Variants in CHN2 observed in about 807,000 individuals in gnomAD.
CHN2 encodes the protein chimerin 2.
CHN2 carries 35 observed loss-of-function variants against 56.3 expected under a neutral mutation model. The ratio of observed to expected loss-of-function variants is 0.62; its 90% CI spans 0.47 to 0.82. The LOEUF is 0.82. Among genes scored for constraint, CHN2 ranks in the 40% least tolerant of loss-of-function variants. The pLI is 0.00. For missense variants in CHN2, 491 were observed against 580.5 expected, an observed-to-expected ratio of 0.85 and a Z score of 1.58; for synonymous variants, 210 against 212.8, an observed-to-expected ratio of 0.99 and a Z score of 0.12.
rs192126984 is a variant in CHN2 at position 29,368,367 on chromosome 7, C to T, written c.144+380C>T. On this transcript the variant is annotated intron_variant, in intron 3 of 12. Coordinates refer to ENST00000222792, the MANE Select transcript of CHN2 (RefSeq NM_004067.4). ...ATAATAAACTTCTGGGTACTTTCAA[C>T]GCCCATATTTAGTAAATCTTTATGC... Among the ~76,000 whole-genome samples the T allele has an allele frequency of 2.6e-3, 396 of 152,122 alleles. 1 individual carries two copies. Among genetic ancestry groups the T allele is most frequent in the African/African-American group, 4.3e-3 (179 of 41,522 alleles).
At chr7:29,250,654 T>C (rs1788420505) in intron 1 of CHN2, among the ~76,000 whole-genome samples, 1 of 152,170 alleles carries the variant, frequency 6.6e-6, no homozygotes, top group African/African-American at 2.4e-5. Context: ...TGTAATAATG[T>C]ACATGGAGCA....
intron 6 of CHN2, among the ~76,000 whole-genome samples, chr7:29,418,648 G>C (rs549984913): frequency 6.6e-6 from 1 of 152,318 alleles, no homozygotes; most frequent in Non-Finnish European, 1.5e-5. Context: ...CCACAGCCTA[G>C]CTGCTACTTC....
intron 3 of CHN2, among the ~76,000 whole-genome samples, chr7:29,392,818 C>T (rs923458614): frequency 6.6e-6 from 1 of 152,190 alleles, no homozygotes; most frequent in African/African-American, 2.4e-5. Flanking sequence ...CTGCCAAGCT[C>T]GTATCCTACA....
chr7:29,318,421 T>G (rs1054498193), intron 1 of CHN2, among the ~76,000 whole-genome samples: 1 of 152,192 alleles, frequency 6.6e-6, no homozygotes, highest in Non-Finnish European at 1.5e-5. Context: ...ACAGGAAGTT[T>G]GTCGACTCCT....
intron 1 of CHN2, among the ~76,000 whole-genome samples, chr7:29,344,818 C>G (rs1161451549): frequency 6.6e-6 from 1 of 152,160 alleles, no homozygotes; most frequent in Admixed American, 6.5e-5. Flanking sequence ...GTGGGAAGAG[C>G]CTGACTGCCC....
In CHN2 at chr7:29,442,672, C is replaced by T. The variant is rs77135092; in HGVS notation, c.577-37607C>T. ...CTGCCATTAAACTATTTCATTTTCC[C>T]ACATGCAAGAGTGTCATATGCATAT... On this transcript the variant is annotated intron_variant, in intron 6 of 12. Coordinates refer to ENST00000222792, the MANE Select transcript of CHN2 (RefSeq NM_004067.4). 6.3e-3 allele frequency among the ~76,000 whole-genome samples: 960 copies of T among 152,238 alleles called. 11 individuals are homozygous for T. The highest frequency in any genetic ancestry group is 0.022 in the African/African-American group (896 of 41,528).
chr7:29,447,548 C>G lies in CHN2; in HGVS notation c.577-32731C>G, dbSNP rs181049310. ...TGAAGAAATAATGGCCTCAAATTTT[C>G]TAAATTTGATGAAAGCTGTAAACCC... On this transcript the variant is annotated intron_variant, in intron 6 of 12. Coordinates refer to ENST00000222792, the MANE Select transcript of CHN2 (RefSeq NM_004067.4). Among the ~76,000 whole-genome samples, 5 of 152,174 alleles carry G rather than the reference C, an allele frequency of 3.3e-5. No homozygotes were observed. The South Asian group carries it at 6.2e-4, about 19-fold the overall frequency.
chr7:29,259,090 G>A (rs1377440407), intron 1 of CHN2, among the ~76,000 whole-genome samples: 1 of 151,896 alleles, frequency 6.6e-6, no homozygotes, highest in East Asian at 1.9e-4. Flanking sequence ...CACTTTGGGA[G>A]GCGGAGGCAT....
chr7:29,319,017 T>C (rs1032356996), intron 1 of CHN2, among the ~76,000 whole-genome samples: 4 of 152,190 alleles, frequency 2.6e-5, no homozygotes, highest in African/African-American at 9.7e-5. Context: ...CTCCACTCTT[T>C]GTCCAGTTGG....
chr7:29,291,549 A>G (rs190861338), intron 1 of CHN2, among the ~76,000 whole-genome samples: 2 of 152,242 alleles, frequency 1.3e-5, no homozygotes, highest in Admixed American at 1.3e-4. Context: ...TACCATGGAC[A>G]TATTTCATAT....
intron 1 of CHN2, among the ~76,000 whole-genome samples, chr7:29,205,825 A>C (rs1396260632): frequency 1.3e-5 from 2 of 152,324 alleles, no homozygotes; most frequent in East Asian, 3.9e-4. Context: ...ATGTAAAAAA[A>C]AATTATACAC....
At chr7:29,486,532 G>A (rs1035318552) in intron 7 of CHN2, among the ~76,000 whole-genome samples, 1 of 152,122 alleles carries the variant, frequency 6.6e-6, no homozygotes, top group South Asian at 2.1e-4. Context: ...CCATGGGAGC[G>A]GGCGGGTAAG....
At chr7:29,231,929 T>G (rs1786746089) in intron 1 of CHN2, among the ~76,000 whole-genome samples, 1 of 152,252 alleles carries the variant, frequency 6.6e-6, no homozygotes, top group South Asian at 2.1e-4. Flanking sequence ...TATTTATTTT[T>G]ATTTCTAATA....
chr7:29,172,738 G>A (rs1796764359), intron 2 of CHN2, among the ~76,000 whole-genome samples: 1 of 151,928 alleles, frequency 6.6e-6, no homozygotes, highest in South Asian at 2.1e-4. Flanking sequence ...ATGTTAATTG[G>A]GAAAGAAGTA....
chr7:29,500,176 C>T (rs1789809185), intron 9 of CHN2, 136 bp downstream of exon 9: 3 of 476,084 alleles, frequency 6.3e-6, no homozygotes, highest in African/African-American at 4.0e-5. Flanking sequence ...CACACACACA[C>T]TCTCTCTCTC....
chr7:29,439,756 A>T (rs1783495200), intron 6 of CHN2, among the ~76,000 whole-genome samples: 1 of 152,242 alleles, frequency 6.6e-6, no homozygotes, highest in Non-Finnish European at 1.5e-5. Context: ...GATTGAATAA[A>T]TGACCTAAGT....
intron 1 of CHN2, among the ~76,000 whole-genome samples, chr7:29,233,840 T>A (rs573804557): frequency 0.026 from 2,722 of 103,858 alleles, 189 homozygotes; most frequent in African/African-American, 0.095. Context: ...TTTTTTTTTT[T>A]TTTTTTTTTT....
At chr7:29,183,241 T>C (rs1798293527) in intron 2 of CHN2, among the ~76,000 whole-genome samples, 1 of 151,676 alleles carries the variant, frequency 6.6e-6, no homozygotes, top group African/African-American at 2.4e-5. Flanking sequence ...TATGCCAACA[T>C]GACTGGCTAA....
intron 3 of CHN2, among the ~76,000 whole-genome samples, chr7:29,382,690 C>A (rs1038358762): frequency 6.6e-6 from 1 of 152,144 alleles, no homozygotes. Context: ...CCAGTAAGAT[C>A]GCCACGGCCC....
Sources: gnomAD v4.1 joint callset for allele counts (sites outside exome capture counted in the v4.1 genomes callset) on GRCh38, gnomAD v4.1.1 for gene constraint, MANE v1.5 for transcripts, NCBI Gene and HGNC (gene_info 2026-07-23, HGNC 2026-07-21) for gene names.